C3orf49: variants seen among roughly 807,000 people sequenced by gnomAD.
C3orf49 encodes chromosome 3 open reading frame 49.
C3orf49 carries 27 observed loss-of-function variants against 13.3 expected under a neutral mutation model. The ratio of observed to expected loss-of-function variants is 2.02; its 90% CI spans 1.49 to 2.79. C3orf49 has a LOEUF of 2.79. C3orf49 is among the 30% of genes most tolerant of loss of function. The pLI is 0.00. For missense variants in C3orf49, 242 were observed against 134.2 expected (o/e 1.80, Z -3.97); for synonymous variants, 87 against 47.6 (o/e 1.83, Z -3.40).
chr3:63,819,840 A>G (rs1410413030), intron 1 of C3orf49, among the ~76,000 whole-genome samples: 1 of 152,158 alleles, frequency 6.6e-6, no homozygotes, highest in African/African-American at 2.4e-5. Context: ...GGCATAGGAG[A>G]CTAAAATAAG....
chr3:63,835,092 T>C (rs1028003077), intron 5 of C3orf49: 3 of 1,513,894 alleles, frequency 2.0e-6, no homozygotes, highest in African/African-American at 2.8e-5. Context: ...TTTCAAAAGG[T>C]ACATCCCTGG....
At chr3:63,815,771 C>CTTTCTTTT (rs1701317173), upstream of C3orf49, among the ~76,000 whole-genome samples, 1 of 136,566 alleles carries the variant, frequency 7.3e-6, no homozygotes, top group African/African-American at 2.8e-5. Context: ...TCTTTTCTTT[C>CTTTCTTTT]TTTTTTTTTT....
intron 6 of C3orf49, among the ~76,000 whole-genome samples, chr3:63,845,611 CT>C (rs1290982009): frequency 3.3e-5 from 5 of 152,076 alleles, no homozygotes; most frequent in African/African-American, 2.4e-5. Flanking sequence ...TATGTGTGTT[CT>C]TTTTTTCTTA....
At chr3:63,827,816 T>A in intron 3 of C3orf49, 91 bp downstream of exon 3, 1 of 637,088 alleles carries the variant, frequency 1.6e-6, no homozygotes, top group Non-Finnish European at 2.8e-6. Flanking sequence ...CTACCATGAG[T>A]CCTCCACAAT....
At chr3:63,819,086 G>A (rs1307857927), upstream of C3orf49, among the ~76,000 whole-genome samples, 2 of 151,884 alleles carry the variant, frequency 1.3e-5, no homozygotes, top group African/African-American at 2.4e-5. Context: ...CAATTAGTGT[G>A]TGGGTGTTTT....
the C3orf49 span, among the ~76,000 whole-genome samples, chr3:63,781,581 C>T: frequency 6.6e-6 from 1 of 152,122 alleles, no homozygotes; most frequent in African/African-American, 2.4e-5. Flanking sequence ...TTACCTTGGG[C>T]AGTATGTGTG....
chr3:63,810,224 T>C, the C3orf49 span, among the ~76,000 whole-genome samples: 1 of 152,016 alleles, frequency 6.6e-6, no homozygotes, highest in East Asian at 1.9e-4. Flanking sequence ...AGAGAGGTCT[T>C]CTCAGGCCAA....
intron 1 of C3orf49, among the ~76,000 whole-genome samples, chr3:63,823,018 A>G (rs1405998146): frequency 6.6e-6 from 1 of 152,208 alleles, no homozygotes; most frequent in Non-Finnish European, 1.5e-5. Context: ...ACCTACCTCT[A>G]ACAGTACTGT....
chr3:63,791,576 G>T, the C3orf49 span, among the ~76,000 whole-genome samples: 1 of 152,148 alleles, frequency 6.6e-6, no homozygotes, highest in African/African-American at 2.4e-5. Context: ...AAATACTGAT[G>T]CCTGGGCCCA....
At chr3:63,830,602 A>C (rs930978462) in intron 3 of C3orf49, among the ~76,000 whole-genome samples, 16 of 152,240 alleles carry the variant, frequency 1.1e-4, no homozygotes, top group African/African-American at 3.9e-4. Context: ...ACTTGTAACC[A>C]GTAAGCCAGG....
At position 63,845,031 on chromosome 3, in the gene C3orf49, A is replaced by C. The variant is rs1229933747; in HGVS notation, c.858A>C (p.Thr286=). Reference sequence around the variant, plus strand: ...ATTTTGTCTCTTGACAGATGACCACAAAAGGACCTGGAGACAGCTGACCTG... The same window carrying C: ...ATTTTGTCTCTTGACAGATGACCACCAAAGGACCTGGAGACAGCTGACCTG... ...MRKYKLKNMT[T]KGPGDS The change falls in exon 6 of 7, where the codon ACA becomes ACC. Residue 286 remains threonine (T), a synonymous_variant. Coordinates refer to ENST00000295896, the MANE Select transcript of C3orf49 (RefSeq NM_001355236.2). 1.4e-6 allele frequency: 1 copy of C among 699,378 alleles called. No homozygotes were observed. The highest frequency in any genetic ancestry group is 2.6e-6 in the Non-Finnish European group (1 of 383,042). 43.3% of individuals were successfully genotyped at this position (699,378 alleles called of 1,614,324 possible). A position where few individuals can be genotyped will look rare whatever the true frequency, so the allele number is the denominator to read the frequency against.
the C3orf49 span, among the ~76,000 whole-genome samples, chr3:63,781,758 A>G: frequency 2.0e-5 from 3 of 152,174 alleles, no homozygotes; most frequent in Non-Finnish European, 4.4e-5. Flanking sequence ...ATAAGAGTGG[A>G]AATTGTGACC....
rs1372828704 is a variant in C3orf49 at position 63,819,549 on chromosome 3, G to A, written c.78G>A (p.Gln26=). 1.4e-6 allele frequency: 1 copy of A among 703,224 alleles called. No individual in the cohort carries two copies. The highest frequency in any genetic ancestry group is 2.6e-6 in the Non-Finnish European group (1 of 385,050). 43.6% of individuals were successfully genotyped at this position (703,224 alleles called of 1,614,324 possible). ...YRKVGQCRRF[Q]QLKKKNGSFK... ...AAGTTGGACAGTGCCGAAGATTCCAGCAACTCAAGAAGAAAAATGGCTCAT... is the reference window on the plus strand; with the variant it reads ...AAGTTGGACAGTGCCGAAGATTCCAACAACTCAAGAAGAAAAATGGCTCAT... Residue 26 remains glutamine (Q), a synonymous_variant, in exon 1 of 7, where the codon CAG becomes CAA. Transcript: ENST00000295896.
At chr3:63,799,572 C>T in the C3orf49 span, among the ~76,000 whole-genome samples, 55 of 152,028 alleles carry the variant, frequency 3.6e-4, 1 homozygote, top group East Asian at 1.9e-4. Flanking sequence ...ATGCCATAAC[C>T]GTTCCATATG....
At chr3:63,821,308 G>A (rs1701391046) in intron 1 of C3orf49, among the ~76,000 whole-genome samples, 1 of 152,108 alleles carries the variant, frequency 6.6e-6, no homozygotes, top group South Asian at 2.1e-4. Flanking sequence ...CTGGAGAGTA[G>A]TACATATGCT....
chr3:63,791,169 C>A, the C3orf49 span, among the ~76,000 whole-genome samples: 1 of 151,976 alleles, frequency 6.6e-6, no homozygotes, highest in South Asian at 2.1e-4. Flanking sequence ...GTGCACCACA[C>A]AAAAATGGCA....
chr3:63,810,655 T>C, the C3orf49 span, among the ~76,000 whole-genome samples: 2 of 152,216 alleles, frequency 1.3e-5, no homozygotes, highest in African/African-American at 4.8e-5. Context: ...CGATGGTGTC[T>C]TGTTGCCATT....
At chr3:63,805,562 A>G in the C3orf49 span, among the ~76,000 whole-genome samples, 196 of 152,344 alleles carry the variant, frequency 1.3e-3, no homozygotes, top group African/African-American at 4.5e-3. Flanking sequence ...CATAAGCTTC[A>G]TGTTCACATC....
chr3:63,836,288 G>C (rs374998638), intron 5 of C3orf49: 4 of 1,610,902 alleles, frequency 2.5e-6, no homozygotes, highest in Non-Finnish European at 3.4e-6. Flanking sequence ...TCAAAGTAAA[G>C]CTCTACACTT....
Sources: allele counts gnomAD v4.1 joint callset (sites outside exome capture counted in the v4.1 genomes callset), GRCh38; gene constraint gnomAD v4.1.1; transcripts MANE v1.5; gene names NCBI Gene and HGNC (gene_info 2026-07-23, HGNC 2026-07-21).